The following GPC3 variants were observed in gnomAD, a reference collection of about 807,000 sequenced individuals.
GPC3 encodes glypican-3.
In GPC3, 3 loss-of-function variants were observed where a neutral mutation model predicts 34.4. The observed-to-expected ratio is 0.09, with a 90% CI of 0.04 to 0.23. The LOEUF (loss-of-function observed/expected upper bound fraction) is 0.23, where lower values mean the gene tolerates loss of function less well. Ranked by LOEUF, GPC3 falls within the 10% of genes least tolerant of loss-of-function variation. The probability of loss-of-function intolerance (pLI) is 1.00; values close to 1 mark genes in which losing one functional copy is unlikely to be tolerated. For synonymous variants in GPC3, 177 were observed against 174.0 expected (o/e 1.02, Z -0.13); for missense variants, 351 against 445.6 (o/e 0.79, Z 1.91).
rs138988224 is a variant in GPC3, at chrX:133,958,936, T to A, written c.176-5725A>T. On this transcript the variant is annotated intron_variant, in intron 1 of 7. Transcript: ENST00000370818. ...ACATCTTGAAGATACAATAAATAGA[T>A]GTTTCAGTTGAATGAACTATGAAGT... Among the ~76,000 whole-genome samples the A allele has an allele frequency of 7.1e-4, 79 of 110,640 alleles. No homozygotes were observed. The East Asian group carries it at 0.014, about 19-fold the overall frequency.
chrX:133,765,149 TC>T (rs1223620702), intron 2 of GPC3, among the ~76,000 whole-genome samples: 1 of 111,949 alleles, frequency 8.9e-6, no homozygotes, highest in Non-Finnish European at 1.9e-5. Flanking sequence ...TTAAAAAAGG[TC>T]ATTCTCCAAA....
At chrX:133,936,987 C>T (rs1283519606) in intron 2 of GPC3, among the ~76,000 whole-genome samples, 1 of 111,396 alleles carries the variant, frequency 9.0e-6, no homozygotes, top group Non-Finnish European at 1.9e-5. Flanking sequence ...AAGATATCCA[C>T]AGAGCCTCGG....
chrX:133,764,352 C>T (rs1031142718), intron 2 of GPC3, among the ~76,000 whole-genome samples: 5 of 111,635 alleles, frequency 4.5e-5, no homozygotes, highest in African/African-American at 6.5e-5. Flanking sequence ...ACCTCAGCAT[C>T]ACACAATATA....
intron 6 of GPC3, among the ~76,000 whole-genome samples, chrX:133,660,282 A>G (rs777637854): frequency 8.9e-6 from 1 of 112,582 alleles, no homozygotes; most frequent in East Asian, 2.8e-4. Flanking sequence ...CTTTGTATTA[A>G]AACCTCTGTT....
intron 2 of GPC3, among the ~76,000 whole-genome samples, chrX:133,814,958 A>G (rs1479450566): frequency 9.0e-6 from 1 of 111,531 alleles, no homozygotes; most frequent in Non-Finnish European, 1.9e-5. Flanking sequence ...TGAATTGTCA[A>G]TAGAAAAGAT....
At chrX:133,550,591 G>C (rs2069425730) in intron 7 of GPC3, among the ~76,000 whole-genome samples, 1 of 111,745 alleles carries the variant, frequency 8.9e-6, no homozygotes. Context: ...AAAAACATCA[G>C]TCATTCAGTT....
chrX:133,863,583 T>G lies in GPC3; in HGVS notation c.337+89467A>C, dbSNP rs565641587. Reference sequence around the variant, plus strand: ...TCATTCCTTTGTATTAAGGGCACTGTGCAACCACCACCAACATCAACACAC... The same window carrying G: ...TCATTCCTTTGTATTAAGGGCACTGGGCAACCACCACCAACATCAACACAC... On this transcript the variant is annotated intron_variant, in intron 2 of 7. Transcript: ENST00000370818. 1.3e-4 allele frequency among the ~76,000 whole-genome samples: 14 copies of G among 106,768 alleles called. No individual in the cohort carries two copies. The South Asian group carries it at 5.7e-3, about 43-fold the overall frequency. 92.7% of individuals were successfully genotyped at this position (106,768 alleles called of 115,157 possible).
chrX:133,628,580 C>A (rs773180660), intron 6 of GPC3, among the ~76,000 whole-genome samples: 3 of 108,425 alleles, frequency 2.8e-5, no homozygotes, highest in Non-Finnish European at 5.7e-5. Context: ...CACTTGAACC[C>A]GGGAGGTGGA....
chrX:133,776,134 TTATC>T (rs1473461218), intron 2 of GPC3, among the ~76,000 whole-genome samples: 1 of 111,933 alleles, frequency 8.9e-6, no homozygotes, highest in Admixed American at 9.5e-5. Context: ...TTTTTATAGT[TTATC>T]TATTCTAAAT....
At chrX:133,808,616 C>T (rs1198347216) in intron 2 of GPC3, among the ~76,000 whole-genome samples, 1 of 111,237 alleles carries the variant, frequency 9.0e-6, no homozygotes, top group East Asian at 2.8e-4. Context: ...TGGAGCCAGA[C>T]AAATCTGCAT....
chrX:133,916,628 G>A (rs367582828), intron 2 of GPC3, among the ~76,000 whole-genome samples: 39 of 111,387 alleles, frequency 3.5e-4, no homozygotes, highest in African/African-American at 1.2e-3. Flanking sequence ...TCCGTAATCC[G>A]AGGACTTTGG....
At chrX:133,959,255 G>A (rs1313584898) in intron 1 of GPC3, among the ~76,000 whole-genome samples, 2 of 111,790 alleles carry the variant, frequency 1.8e-5, no homozygotes, top group African/African-American at 6.5e-5. Context: ...CTTTTAGACT[G>A]CTCCTGGTTT....
chrX:133,782,001 TGCC>T (rs2072051146), intron 2 of GPC3, among the ~76,000 whole-genome samples: 1 of 111,924 alleles, frequency 8.9e-6, no homozygotes, highest in Non-Finnish European at 1.9e-5. Context: ...TTGGAAGCAC[TGCC>T]ATTTGCAAAG....
chrX:133,739,217 T>C (rs1353646719), intron 3 of GPC3, among the ~76,000 whole-genome samples: 2 of 111,166 alleles, frequency 1.8e-5, no homozygotes, highest in African/African-American at 6.6e-5. Context: ...GATATTAGTG[T>C]ATTTGTGTTG....
intron 3 of GPC3, among the ~76,000 whole-genome samples, chrX:133,722,420 C>T (rs140709518): frequency 0.013 from 1,493 of 111,411 alleles, 26 homozygotes; most frequent in African/African-American, 0.045. Flanking sequence ...CCACATAGCA[C>T]GGTATGTTAG....
At chrX:133,537,149 A>C (rs1191394756) in intron 7 of GPC3, among the ~76,000 whole-genome samples, 1 of 112,235 alleles carries the variant, frequency 8.9e-6, no homozygotes, top group African/African-American at 3.2e-5. Context: ...GTTTATCAGG[A>C]AATTCAAGAT....
At chrX:133,665,339 A>G (rs1330535565) in intron 5 of GPC3, among the ~76,000 whole-genome samples, 1 of 112,047 alleles carries the variant, frequency 8.9e-6, no homozygotes. Flanking sequence ...GCTCTTTATT[A>G]CTGAAAATTA....
At chrX:133,605,163 C>T (rs750891911) in intron 6 of GPC3, among the ~76,000 whole-genome samples, 1 of 103,794 alleles carries the variant, frequency 9.6e-6, no homozygotes, top group South Asian at 4.2e-4. Context: ...TATATATGCA[C>T]TTCACACGTG....
At position 133,945,753 on chromosome X, in the gene GPC3, C is replaced by CAA. The variant is rs199768417; in HGVS notation, c.337+7295_337+7296dup. Among the ~76,000 whole-genome samples the CAA allele has an allele frequency of 8.3e-4, 66 of 79,382 alleles. No homozygotes were observed. The East Asian group carries it at 0.021, about 26-fold the overall frequency. 68.9% of individuals were successfully genotyped at this position (79,382 alleles called of 115,157 possible). On this transcript the variant is annotated intron_variant, in intron 2 of 7. Transcript: ENST00000370818. ...TGGGTGACAGAGAGAGACTCCGTCT[C>CAA]AAAAAAAAAAAAAGAAAAGAAAAGA...
Sources: gnomAD v4.1 joint callset for allele counts (sites outside exome capture counted in the v4.1 genomes callset) on GRCh38, gnomAD v4.1.1 for gene constraint, MANE v1.5 for transcripts, NCBI Gene and HGNC (gene_info 2026-07-23, HGNC 2026-07-21) for gene names.